The following ZNF780A variants were observed in gnomAD, a reference collection of about 807,000 sequenced individuals.
ZNF780A encodes zinc finger protein 780A.
Under a neutral mutation model 56.7 loss-of-function variants are expected in ZNF780A, and 40 were observed. The ratio of observed to expected loss-of-function variants is 0.71; its 90% CI spans 0.55 to 0.92. The LOEUF is 0.92. Ranked by LOEUF, ZNF780A falls within the 40% of genes least tolerant of loss-of-function variation. The pLI is 0.00. For missense variants in ZNF780A, 672 were observed against 783.3 expected (o/e 0.86, Z 1.70); for synonymous variants, 231 against 248.3 (o/e 0.93, Z 0.66).
Position 40,073,548 on chromosome 19 carries a change from T to C in ZNF780A, c.*968A>G. The C allele has an allele frequency of 1.0e-6, 1 of 985,920 alleles. No homozygotes were observed. The highest frequency in any genetic ancestry group is 1.2e-6 in the Non-Finnish European group (1 of 830,384). 61.1% of individuals were successfully genotyped at this position (985,920 alleles called of 1,614,324 possible). A position where few individuals can be genotyped will look rare whatever the true frequency, so the allele number is the denominator to read the frequency against. On this transcript the variant is annotated 3_prime_UTR_variant, in exon 6 of 6. Transcript: ENST00000683561. ...GGTATGCCTGTATCTGGTAAATTATTTCATAGGGAGTACATTGTGAACATG... is the reference window on the plus strand; with the variant it reads ...GGTATGCCTGTATCTGGTAAATTATCTCATAGGGAGTACATTGTGAACATG...
In ZNF780A at chr19:40,075,597, C is replaced by T. The variant is rs780883147; in HGVS notation, c.845G>A (p.Cys282Tyr). The T allele has an allele frequency of 1.9e-6, 3 of 1,613,756 alleles. No homozygotes were observed. The African/African-American group carries it at 4.0e-5, about 22-fold the overall frequency. ...TGCACCACGATTAAAGCCTTTCCCA[C>T]ACTCCTTACATTCATATGGTTTTAC... ...SGVKPYECKECGKGFNRGAHL... is the reference protein window; with the variant it reads ...SGVKPYECKEYGKGFNRGAHL... The change falls in exon 6 of 6, where the codon TGT becomes TAT. Residue 282 changes from cysteine to tyrosine, a missense_variant. Physicochemically the swap from Cys to Tyr is radical, Grantham distance 194. Transcript: ENST00000683561.
intron 5 of ZNF780A, among the ~76,000 whole-genome samples, chr19:40,078,137 A>C (rs1974260313): frequency 6.6e-6 from 1 of 152,126 alleles, no homozygotes; most frequent in East Asian, 1.9e-4. Flanking sequence ...GAAACTGAAT[A>C]ATTCATTGAA....
intron 5 of ZNF780A, among the ~76,000 whole-genome samples, chr19:40,080,167 C>G (rs986155881): frequency 1.3e-5 from 2 of 151,898 alleles, no homozygotes; most frequent in Non-Finnish European, 2.9e-5. Context: ...TAAAATGTCA[C>G]CCAAAAAAGA....
intron 5 of ZNF780A, among the ~76,000 whole-genome samples, chr19:40,080,990 A>G (rs752085813): frequency 6.6e-6 from 1 of 152,196 alleles, no homozygotes; most frequent in Non-Finnish European, 1.5e-5. Context: ...TAAAACAACT[A>G]AAAGAAAACA....
chr19:40,071,610 A>G (rs1035355305), downstream of ZNF780A: 1 of 152,238 alleles, frequency 6.6e-6, no homozygotes, highest in Non-Finnish European at 1.5e-5. Context: ...AAGTCTCTCC[A>G]TAGATTATTT....
At chr19:40,082,358 C>T (rs768073183) in intron 4 of ZNF780A, among the ~76,000 whole-genome samples, 1 of 152,138 alleles carries the variant, frequency 6.6e-6, no homozygotes, top group Non-Finnish European at 1.5e-5. Flanking sequence ...GCCTGATGTA[C>T]AGTAGCACAA....
downstream of ZNF780A, chr19:40,070,629 G>A (rs139983801): frequency 6.6e-6 from 1 of 152,278 alleles, no homozygotes; most frequent in African/African-American, 2.4e-5. Flanking sequence ...TGTAAGCAAG[G>A]AAATAGTCTA....
At position 40,076,105 on chromosome 19, in the gene ZNF780A, T is replaced by A. The variant is rs769361697; in HGVS notation, c.337A>T (p.Ile113Phe). The A allele has an allele frequency of 3.1e-6, 5 of 1,613,762 alleles. No homozygotes were observed. In the South Asian group the frequency reaches 5.5e-5, roughly 18 times the overall value. Residue 113 changes from isoleucine to phenylalanine, a missense_variant, in exon 6 of 6, where the codon ATT becomes TTT. Ile to Phe is a conservative substitution (Grantham distance 21, BLOSUM62 0). Coordinates refer to ENST00000683561, the MANE Select transcript of ZNF780A (RefSeq NM_001142578.2). ...VIKQISTTLG[I>F]EAFYFRNDSE... ...TCATTTCTAAAATAAAAGGCCTCAA[T>A]GCCAAGAGTTGTACTTATTTGCTTT...
chr19:40,081,968 T>C (rs1345669778), intron 4 of ZNF780A, 54 bp from the exon 5 acceptor site: 5 of 1,312,882 alleles, frequency 3.8e-6, no homozygotes, highest in South Asian at 1.3e-5. Context: ...TTTTTTTTTT[T>C]CAAATCTTTG....
chr19:40,075,814 G>T lies in ZNF780A; in HGVS notation c.628C>A (p.Arg210=). Residue 210 remains arginine, a synonymous_variant, in exon 6 of 6, where the codon CGA becomes AGA. Coordinates refer to ENST00000683561, the MANE Select transcript of ZNF780A (RefSeq NM_001142578.2). ...TCACCAGTATGAAATTTCTGATGTC[G>T]AGTAAATTGTATGTGAAGTCGAAAG... is the stretch of plus-strand genomic sequence containing the variant. ...KAFRLHIQFT[R]HQKFHTGEKP... 1 of 1,613,810 alleles carries T rather than the reference G, an allele frequency of 6.2e-7. No homozygotes were observed. Among genetic ancestry groups the T allele is most frequent in the Non-Finnish European group, 8.5e-7 (1 of 1,179,918 alleles).
rs771787748 is a variant in ZNF780A, at chr19:40,075,204, C to T, written c.1238G>A (p.Gly413Asp). Reference sequence around the variant, plus strand: ...CTCCTTACATTCATATGGTTTTATACCAGCATGAATACTCTGATGTTGAAC... The same window carrying T: ...CTCCTTACATTCATATGGTTTTATATCAGCATGAATACTCTGATGTTGAAC... ...NLVQHQSIHA[G>D]IKPYECKECG... Residue 413 changes from glycine (G) to aspartate (D), a missense_variant, in exon 6 of 6, where the codon GGT becomes GAT. By Grantham distance (94) the Gly-to-Asp change is moderately conservative. Transcript: ENST00000683561. 4 of 1,613,012 alleles carry T rather than the reference C, an allele frequency of 2.5e-6. No homozygotes were observed. Among genetic ancestry groups the T allele is most frequent in the South Asian group, 2.2e-5 (2 of 91,020 alleles).
At position 40,075,681 on chromosome 19, in the gene ZNF780A, C is replaced by T. The variant is rs1974085647; in HGVS notation, c.761G>A (p.Cys254Tyr). ...TGAGCTACGATTAAAGGACTTCCCA[C>T]ATTCCTTACATTCAAACAGTTTCTC... ...TGEKLFECKE[C>Y]GKSFNRSSNL... The change falls in exon 6 of 6, where the codon TGT becomes TAT. Residue 254 changes from cysteine (C) to tyrosine (Y), a missense_variant. Transcript: ENST00000683561. 6.2e-7 allele frequency: 1 copy of T among 1,613,976 alleles called. No homozygotes were observed. The highest frequency in any genetic ancestry group is 1.3e-5 in the African/African-American group (1 of 74,902).
At position 40,076,027 on chromosome 19, in the gene ZNF780A, T is replaced by C. The variant is rs890676254; in HGVS notation, c.415A>G (p.Asn139Asp). 1 of 1,613,308 alleles carries C rather than the reference T, an allele frequency of 6.2e-7. No individual in the cohort carries two copies. Among genetic ancestry groups the C allele is most frequent in the Admixed American group, 1.7e-5 (1 of 59,866 alleles). Residue 139 changes from asparagine to aspartate, a missense_variant, in exon 6 of 6, where the codon AAT becomes GAT. Transcript: ENST00000683561. ...TTTTCATAGCTGATCATCTTTTGAT[T>C]GATATTTCCTTCTTGATATCCCTGT... is the stretch of plus-strand genomic sequence containing the variant. ...GLQGYQEGNI[N>D]QKMISYEKLP...
rs1973903425 is a variant in ZNF780A at position 40,073,292 on chromosome 19, C to T, written c.*1224G>A. 6.9e-6 allele frequency: 2 copies of T among 290,802 alleles called. No homozygotes were observed. The highest frequency in any genetic ancestry group is 1.1e-5 in the Non-Finnish European group (2 of 184,468). 18.0% of individuals were successfully genotyped at this position (290,802 alleles called of 1,614,324 possible). A position where few individuals can be genotyped will look rare whatever the true frequency, so the allele number is the denominator to read the frequency against. On this transcript the variant is annotated 3_prime_UTR_variant, in exon 6 of 6. Coordinates refer to ENST00000683561, the MANE Select transcript of ZNF780A (RefSeq NM_001142578.2). The stretch of plus-strand genomic sequence containing the variant: ...CTTTTATGGGCAGAATTTGTGGTAT[C>T]CCAAAGCAATTACAATAGCAACATC...
At chr19:40,089,157 C>G (rs892205927) in intron 2 of ZNF780A, 9 of 1,120,446 alleles carry the variant, frequency 8.0e-6, no homozygotes, top group Non-Finnish European at 1.1e-5. Context: ...TTGAAAAATG[C>G]TAGGAGGGTG....
At chr19:40,089,318 G>A in intron 2 of ZNF780A, 1 of 1,346,184 alleles carries the variant, frequency 7.4e-7, no homozygotes, top group Admixed American at 3.1e-5. Flanking sequence ...GATTTAAAAA[G>A]AAAGAATTTC....
Position 40,075,813 on chromosome 19 carries a change from C to T in ZNF780A, c.629G>A (p.Arg210Gln), listed in dbSNP as rs760233250. ...KAFRLHIQFT[R>Q]HQKFHTGEKP... ...CTCACCAGTATGAAATTTCTGATGT[C>T]GAGTAAATTGTATGTGAAGTCGAAA... The change falls in exon 6 of 6, where the codon CGA becomes CAA. Residue 210 changes from arginine (R) to glutamine (Q), a missense_variant. Coordinates refer to ENST00000683561, the MANE Select transcript of ZNF780A (RefSeq NM_001142578.2). The T allele has an allele frequency of 7.4e-6, 12 of 1,612,468 alleles. No homozygotes were observed. The highest frequency in any genetic ancestry group is 6.7e-5 in the Admixed American group (4 of 59,880).
chr19:40,086,733 C>T (rs1358943060), intron 2 of ZNF780A, among the ~76,000 whole-genome samples: 2 of 152,098 alleles, frequency 1.3e-5, no homozygotes, highest in Non-Finnish European at 2.9e-5. Flanking sequence ...GGTGGAGTCT[C>T]ACTCTGTCAC....
At chr19:40,078,771 C>A (rs78114980) in intron 5 of ZNF780A, among the ~76,000 whole-genome samples, 1 of 152,120 alleles carries the variant, frequency 6.6e-6, no homozygotes, top group Non-Finnish European at 1.5e-5. Context: ...GCTTAAGAGT[C>A]CTACACCTAG....
Sources: gnomAD v4.1 joint callset for allele counts (sites outside exome capture counted in the v4.1 genomes callset) on GRCh38, gnomAD v4.1.1 for gene constraint, MANE v1.5 for transcripts, NCBI Gene and HGNC (gene_info 2026-07-23, HGNC 2026-07-21) for gene names.